The following KCNN2 variants were observed in gnomAD, a reference collection of about 807,000 sequenced individuals.
KCNN2 encodes the protein small conductance calcium-activated potassium channel protein 2.
In KCNN2, 24 loss-of-function variants were observed where a neutral mutation model predicts 55.5. That is an observed-to-expected ratio of 0.43 (90% CI 0.31 to 0.61). KCNN2 has a LOEUF of 0.61. Ranked by LOEUF, KCNN2 falls within the 20% of genes least tolerant of loss-of-function variation. The pLI, the probability that KCNN2 is intolerant of heterozygous loss-of-function variation, is 0.08. For missense variants in KCNN2, 754 were observed against 853.6 expected (o/e 0.88, Z 1.45); for synonymous variants, 431 against 336.1 (o/e 1.28, Z -3.09).
intron 1 of KCNN2, among the ~76,000 whole-genome samples, chr5:114,078,116 T>C (rs1750723459): frequency 6.6e-6 from 1 of 151,918 alleles, no homozygotes; most frequent in Admixed American, 6.6e-5. Context: ...ATCAGGGAGG[T>C]CTAGTCATAA....
chr5:114,274,515 G>A (rs968817017), intron 2 of KCNN2, among the ~76,000 whole-genome samples: 1 of 152,046 alleles, frequency 6.6e-6, no homozygotes. Context: ...ATTTTGTTGG[G>A]CAGTGGTTTG....
intron 1 of KCNN2, among the ~76,000 whole-genome samples, chr5:114,213,619 A>G (rs1753935145): frequency 6.6e-6 from 1 of 151,610 alleles, no homozygotes; most frequent in South Asian, 2.1e-4. Flanking sequence ...TATTGAAAGC[A>G]TTTTTTTTCT....
At chr5:114,299,469 A>G (rs1032501159) in intron 2 of KCNN2, among the ~76,000 whole-genome samples, 3 of 152,224 alleles carry the variant, frequency 2.0e-5, no homozygotes, top group Non-Finnish European at 2.9e-5. Flanking sequence ...TAAAAGGTAA[A>G]GAGCTTAAAC....
At position 114,385,519 on chromosome 5, in the gene KCNN2, G is replaced by GCGCACACACA. The variant is rs1458678711; in HGVS notation, c.1219-18918_1219-18917insGCACACACAC. On this transcript the variant is annotated intron_variant, in intron 2 of 7. Coordinates refer to ENST00000673685, the MANE Select transcript of KCNN2 (RefSeq NM_021614.4). ...TTATTGACAGCATACACACATGCGC[G>GCGCACACACA]CACACACACACACACACACACACAC... Among the ~76,000 whole-genome samples the GCGCACACACA allele has an allele frequency of 5.8e-3, 831 of 143,446 alleles. 11 individuals carry two copies. Among genetic ancestry groups the GCGCACACACA allele is most frequent in the African/African-American group, 0.02 (761 of 37,872 alleles). The allele number at this position is 143,446 out of a possible 152,430, so 94.1% of individuals were successfully genotyped here.
At chr5:114,350,830 C>A (rs1757193189) in intron 2 of KCNN2, among the ~76,000 whole-genome samples, 1 of 151,832 alleles carries the variant, frequency 6.6e-6, no homozygotes, top group African/African-American at 2.4e-5. Context: ...CTATGTTATG[C>A]CATTACCACA....
intron 2 of KCNN2, among the ~76,000 whole-genome samples, chr5:114,260,703 T>A (rs549635390): frequency 6.6e-6 from 1 of 152,234 alleles, no homozygotes; most frequent in Non-Finnish European, 1.5e-5. Flanking sequence ...TCTCTTTTTC[T>A]GAGAACAATT....
intron 2 of KCNN2, among the ~76,000 whole-genome samples, chr5:114,234,370 G>T (rs542599003): frequency 6.6e-6 from 1 of 152,256 alleles, no homozygotes; most frequent in East Asian, 1.9e-4. Flanking sequence ...CTCAGATGCA[G>T]GTTGGACTGA....
chr5:114,274,314 A>T (rs574706103), intron 2 of KCNN2, among the ~76,000 whole-genome samples: 1 of 147,538 alleles, frequency 6.8e-6, no homozygotes, highest in Non-Finnish European at 1.5e-5. Context: ...TGTGTTGGCT[A>T]TGTGGACTCT....
intron 2 of KCNN2, among the ~76,000 whole-genome samples, chr5:114,311,938 G>A (rs1756397893): frequency 6.6e-6 from 1 of 152,094 alleles, no homozygotes; most frequent in Non-Finnish European, 1.5e-5. Flanking sequence ...TAATGCTTTG[G>A]ATTCTGAAAG....
intron 5 of KCNN2, among the ~76,000 whole-genome samples, chr5:114,481,281 C>T (rs1762211623): frequency 6.6e-6 from 1 of 152,098 alleles, no homozygotes; most frequent in Non-Finnish European, 1.5e-5. Context: ...CTTAGGAATA[C>T]AGCTAACAAG....
chr5:114,287,239 C>T (rs1162537354), intron 2 of KCNN2, among the ~76,000 whole-genome samples: 1 of 152,172 alleles, frequency 6.6e-6, no homozygotes, highest in Non-Finnish European at 1.5e-5. Flanking sequence ...ACCCAGCAAT[C>T]CCATTACTGG....
chr5:114,180,472 A>G (rs1240766536), intron 1 of KCNN2, among the ~76,000 whole-genome samples: 1 of 152,134 alleles, frequency 6.6e-6, no homozygotes, highest in African/African-American at 2.4e-5. Context: ...TTTGCTTTTA[A>G]TCAACTTCTT....
chr5:114,100,600 G>T (rs942297966), intron 1 of KCNN2, among the ~76,000 whole-genome samples: 3 of 152,198 alleles, frequency 2.0e-5, no homozygotes, highest in Middle Eastern at 3.4e-3. Context: ...GTTTATGAGT[G>T]TGTGTATGTA....
chr5:114,327,533 C>T (rs1756735617), intron 2 of KCNN2, among the ~76,000 whole-genome samples: 1 of 152,130 alleles, frequency 6.6e-6, no homozygotes, highest in Non-Finnish European at 1.5e-5. Flanking sequence ...TTAACTATAT[C>T]ATAAGAGCTG....
intron 1 of KCNN2, among the ~76,000 whole-genome samples, chr5:114,161,765 C>G (rs1752790728): frequency 6.6e-6 from 1 of 152,144 alleles, no homozygotes; most frequent in Non-Finnish European, 1.5e-5. Flanking sequence ...TCTTCCATCG[C>G]CTATACCCTT....
intron 1 of KCNN2, among the ~76,000 whole-genome samples, chr5:114,173,361 T>C (rs1434180761): frequency 2.0e-5 from 3 of 152,046 alleles, no homozygotes; most frequent in East Asian, 3.9e-4. Context: ...AGTCAGGTAA[T>C]GTGATTTCTC....
intron 3 of KCNN2, among the ~76,000 whole-genome samples, chr5:114,439,032 C>T (rs1280798678): frequency 6.6e-6 from 1 of 151,860 alleles, no homozygotes; most frequent in South Asian, 2.1e-4. Flanking sequence ...AAATAAAATT[C>T]AAAGGAAAAA....
chr5:114,109,464 G>A (rs1751551156), intron 1 of KCNN2, among the ~76,000 whole-genome samples: 1 of 152,076 alleles, frequency 6.6e-6, no homozygotes, highest in African/African-American at 2.4e-5. Flanking sequence ...ATAACAGGAT[G>A]TAGGGATAAT....
At chr5:114,105,274 C>A (rs1353598216) in intron 1 of KCNN2, among the ~76,000 whole-genome samples, 3 of 152,028 alleles carry the variant, frequency 2.0e-5, no homozygotes, top group Admixed American at 2.0e-4. Flanking sequence ...ATATAAATAA[C>A]TGAACCATAA....
Sources: allele counts gnomAD v4.1 joint callset (sites outside exome capture counted in the v4.1 genomes callset), GRCh38; gene constraint gnomAD v4.1.1; transcripts MANE v1.5; gene names NCBI Gene and HGNC (gene_info 2026-07-23, HGNC 2026-07-21).